Variants in CMTM7 observed in about 807,000 individuals in gnomAD.
CMTM7 encodes CKLF like MARVEL transmembrane domain containing 7.
CMTM7 carries 7 observed loss-of-function variants against 19.3 expected under a neutral mutation model. The observed-to-expected ratio is 0.36, with a 90% CI of 0.21 to 0.68. CMTM7 has a LOEUF of 0.68. Ranked by LOEUF, CMTM7 falls within the 30% of genes least tolerant of loss-of-function variation. The probability of loss-of-function intolerance (pLI) is 0.60; values close to 1 mark genes in which losing one functional copy is unlikely to be tolerated. For missense variants in CMTM7, 193 were observed against 232.6 expected, an observed-to-expected ratio of 0.83 and a Z score of 1.11; for synonymous variants, 87 against 99.3, an observed-to-expected ratio of 0.88 and a Z score of 0.74.
At chr3:32,446,085 T>C (rs1217000624) in intron 2 of CMTM7, among the ~76,000 whole-genome samples, 2 of 151,708 alleles carry the variant, frequency 1.3e-5, no homozygotes, top group African/African-American at 4.8e-5. Flanking sequence ...TTGTGCAGAA[T>C]TGGTATTAAT....
At chr3:32,413,050 G>T (rs530061440) in intron 1 of CMTM7, among the ~76,000 whole-genome samples, 1 of 152,182 alleles carries the variant, frequency 6.6e-6, no homozygotes, top group African/African-American at 2.4e-5. Context: ...GACCAAATCT[G>T]GCCTGCCACC....
intron 1 of CMTM7, among the ~76,000 whole-genome samples, chr3:32,411,258 ATC>A (rs1464339024): frequency 6.6e-6 from 1 of 152,240 alleles, no homozygotes; most frequent in African/African-American, 2.4e-5. Flanking sequence ...GGTAACACAA[ATC>A]TCTCTTATCG....
At chr3:32,417,814 G>GT (rs58360785) in intron 1 of CMTM7, among the ~76,000 whole-genome samples, 4,560 of 144,184 alleles carry the variant, frequency 0.032, 242 homozygotes, top group African/African-American at 0.11. Flanking sequence ...TTTGTTTTTG[G>GT]TTTTTTTTTT....
chr3:32,397,564 C>T (rs1268025120), intron 1 of CMTM7, among the ~76,000 whole-genome samples: 1 of 151,816 alleles, frequency 6.6e-6, no homozygotes, highest in Admixed American at 6.6e-5. Flanking sequence ...GAAACCCCAT[C>T]TCTACTAAAA....
At chr3:32,406,542 A>G (rs748942487) in intron 1 of CMTM7, among the ~76,000 whole-genome samples, 23 of 152,170 alleles carry the variant, frequency 1.5e-4, no homozygotes, top group Admixed American at 2.6e-4. Flanking sequence ...TCAGAGTTCC[A>G]CTGCTCTCAT....
chr3:32,425,164 G>T (rs936455765), intron 1 of CMTM7, among the ~76,000 whole-genome samples: 3 of 152,176 alleles, frequency 2.0e-5, no homozygotes, highest in Admixed American at 2.0e-4. Flanking sequence ...GCATAATAGG[G>T]TTGTCATAAT....
At chr3:32,416,484 G>A (rs539145929) in intron 1 of CMTM7, among the ~76,000 whole-genome samples, 5 of 115,858 alleles carry the variant, frequency 4.3e-5, no homozygotes, top group South Asian at 3.2e-4. Flanking sequence ...TCCGCTTCCC[G>A]GGTTCACTCC....
chr3:32,416,697 C>T (rs1696272683), intron 1 of CMTM7, among the ~76,000 whole-genome samples: 1 of 152,118 alleles, frequency 6.6e-6, no homozygotes, highest in Admixed American at 6.5e-5. Context: ...ACCATATGTA[C>T]TTGTTAAGAA....
intron 2 of CMTM7, among the ~76,000 whole-genome samples, chr3:32,443,252 C>T (rs1448973443): frequency 6.6e-6 from 1 of 152,000 alleles, no homozygotes; most frequent in East Asian, 1.9e-4. Flanking sequence ...GTGCATGCCA[C>T]CACACCTGGA....
chr3:32,445,449 G>A (rs922448576), intron 2 of CMTM7, among the ~76,000 whole-genome samples: 17 of 152,106 alleles, frequency 1.1e-4, no homozygotes, highest in African/African-American at 2.7e-4. Flanking sequence ...TGCTTTTTCC[G>A]TATCTACTGA....
intron 1 of CMTM7, among the ~76,000 whole-genome samples, chr3:32,427,330 A>G (rs1696448106): frequency 6.6e-6 from 1 of 152,196 alleles, no homozygotes. Context: ...GCCTTGTGAG[A>G]TCCAAAGAAA....
At chr3:32,434,721 A>G (rs1696571915) in intron 1 of CMTM7, among the ~76,000 whole-genome samples, 1 of 152,174 alleles carries the variant, frequency 6.6e-6, no homozygotes, top group Non-Finnish European at 1.5e-5. Flanking sequence ...TAGTCAAACA[A>G]AAGACTAAAA....
intron 1 of CMTM7, among the ~76,000 whole-genome samples, chr3:32,424,116 G>A (rs1696388049): frequency 6.6e-6 from 1 of 152,190 alleles, no homozygotes; most frequent in Non-Finnish European, 1.5e-5. Flanking sequence ...AATGCCTGAG[G>A]CCTCAGCTGA....
chr3:32,443,696 G>T (rs919942945), intron 2 of CMTM7, among the ~76,000 whole-genome samples: 5 of 152,132 alleles, frequency 3.3e-5, no homozygotes, highest in Non-Finnish European at 2.9e-5. Context: ...AGTGTATGAA[G>T]GTTCCAGTTT....
intron 1 of CMTM7, among the ~76,000 whole-genome samples, chr3:32,426,297 A>G (rs1473200194): frequency 2.6e-5 from 4 of 152,218 alleles, no homozygotes; most frequent in Admixed American, 2.6e-4. Context: ...CAGTGGTTAT[A>G]TTTTCACACC....
At chr3:32,453,101 A>G (rs554487815) in intron 4 of CMTM7, among the ~76,000 whole-genome samples, 66 of 151,900 alleles carry the variant, frequency 4.3e-4, no homozygotes, top group African/African-American at 1.4e-3. Flanking sequence ...AATGACAAAA[A>G]TAAAATGTAG....
In CMTM7 at chr3:32,420,607, G is replaced by A. The variant is rs373312105; in HGVS notation, c.160-21233G>A. On this transcript the variant is annotated intron_variant, in intron 1 of 4. Coordinates refer to ENST00000334983, the MANE Select transcript of CMTM7 (RefSeq NM_138410.4). ...ACAATGATCATGCCTTTGAACTGGG[G>A]ACACGGTTGAAAAGGCTGGAGGAGG... Among the ~76,000 whole-genome samples the A allele has an allele frequency of 3.3e-5, 5 of 152,216 alleles. No homozygotes were observed. The East Asian group carries it at 9.6e-4, about 29-fold the overall frequency.
chr3:32,429,096 C>A (rs988044206), intron 1 of CMTM7, among the ~76,000 whole-genome samples: 2 of 152,078 alleles, frequency 1.3e-5, no homozygotes, highest in Non-Finnish European at 2.9e-5. Flanking sequence ...GAATGAAGCC[C>A]CATTGTGTAT....
chr3:32,399,551 C>A (rs988831726), intron 1 of CMTM7, among the ~76,000 whole-genome samples: 3 of 152,096 alleles, frequency 2.0e-5, no homozygotes, highest in Non-Finnish European at 2.9e-5. Context: ...AGGTTAGGTG[C>A]CAAGTGGAAT....
Sources: gnomAD v4.1 joint callset for allele counts (sites outside exome capture counted in the v4.1 genomes callset) on GRCh38, gnomAD v4.1.1 for gene constraint, MANE v1.5 for transcripts, NCBI Gene and HGNC (gene_info 2026-07-23, HGNC 2026-07-21) for gene names.